The following MAP6 variants were observed in gnomAD, a reference collection of about 807,000 sequenced individuals.
MAP6 encodes the protein microtubule-associated protein 6.
MAP6 carries 26 observed loss-of-function variants against 42.4 expected under a neutral mutation model. The ratio of observed to expected loss-of-function variants is 0.61; its 90% confidence interval spans 0.45 to 0.85. The LOEUF (loss-of-function observed/expected upper bound fraction) is 0.85. Ranked by LOEUF, MAP6 falls within the 40% of genes least tolerant of loss-of-function variation. MAP6 has a pLI of 0.00. For missense variants in MAP6, 966 were observed against 1,099.0 expected (o/e 0.88, Z 1.71); for synonymous variants, 418 against 443.8 (o/e 0.94, Z 0.73).
chr11:75,647,357 A>AC (rs924870223), intron 1 of MAP6, among the ~76,000 whole-genome samples: 1 of 150,568 alleles, frequency 6.6e-6, no homozygotes, highest in Non-Finnish European at 1.5e-5. Flanking sequence ...CAAAAAAAAA[A>AC]AAAAAAAAAA....
At chr11:75,648,098 C>T (rs1943591945) in intron 1 of MAP6, among the ~76,000 whole-genome samples, 1 of 152,172 alleles carries the variant, frequency 6.6e-6, no homozygotes, top group East Asian at 1.9e-4. Context: ...TACTTGACTT[C>T]CCACATACAA....
chr11:75,617,524 A>G (rs1943018902), intron 1 of MAP6, among the ~76,000 whole-genome samples: 1 of 149,712 alleles, frequency 6.7e-6, no homozygotes, highest in Non-Finnish European at 1.5e-5. Flanking sequence ...CAAAAAAAAA[A>G]AAAAAAAAAA....
intron 1 of MAP6, among the ~76,000 whole-genome samples, chr11:75,626,013 C>T (rs1943187260): frequency 6.6e-6 from 1 of 152,184 alleles, no homozygotes; most frequent in Non-Finnish European, 1.5e-5. Context: ...CTAGAATGCT[C>T]TCCCAGGCCC....
chr11:75,599,531 T>A lies in MAP6; in HGVS notation c.1316+6277A>T, dbSNP rs1425596215. Among the ~76,000 whole-genome samples, 6 of 152,104 alleles carry A rather than the reference T, an allele frequency of 3.9e-5. No individual in the cohort carries two copies. In the South Asian group the frequency reaches 1.2e-3, roughly 32 times the overall value. ...ACTGTGTATTGGCTGTGATAATTGG[T>A]CAGTATAGCCAGGACGTCTGAGCCA... On this transcript the variant is annotated intron_variant, in intron 3 of 3. Transcript: ENST00000304771.
intron 1 of MAP6, among the ~76,000 whole-genome samples, chr11:75,618,881 C>T (rs1025892918): frequency 6.6e-6 from 1 of 152,216 alleles, no homozygotes; most frequent in Non-Finnish European, 1.5e-5. Context: ...ACAGCATATC[C>T]CTGGGACCCC....
intron 1 of MAP6, among the ~76,000 whole-genome samples, chr11:75,661,587 C>A (rs1943846673): frequency 6.6e-6 from 1 of 152,022 alleles, no homozygotes; most frequent in African/African-American, 2.4e-5. Flanking sequence ...ATCATCTCAG[C>A]TGATGCTGAG....
chr11:75,598,062 G>T (rs1326777003), intron 3 of MAP6, among the ~76,000 whole-genome samples: 5 of 152,202 alleles, frequency 3.3e-5, no homozygotes. Flanking sequence ...GGTATCCCTT[G>T]CTTTCAGAGC....
chr11:75,594,851 G>T (rs1298351430), intron 3 of MAP6, among the ~76,000 whole-genome samples: 1 of 152,194 alleles, frequency 6.6e-6, no homozygotes, highest in East Asian at 1.9e-4. Context: ...GCAGGAGACA[G>T]ACCTGTAAAC....
chr11:75,605,969 T>C lies in MAP6; in HGVS notation c.1155A>G (p.Lys385=). The part of the protein sequence containing the change: ...EKPSVQSSKP[K]KTSASHKPTR... ...TGGGCTTATGGCTCGCTGAGGTCTT[T>C]TTTGGTTTGGAACTCTGAACACTAG... is the stretch of plus-strand genomic sequence containing the variant. The change falls in exon 3 of 4, where the codon AAA becomes AAG. Residue 385 remains lysine, a synonymous_variant. Transcript: ENST00000304771. 6.2e-7 allele frequency: 1 copy of C among 1,614,064 alleles called. No homozygotes were observed. Among genetic ancestry groups the C allele is most frequent in the Non-Finnish European group, 8.5e-7 (1 of 1,180,022 alleles).
In MAP6 at chr11:75,668,797, CG is replaced by C. The variant is rs1164815212; in HGVS notation, c.-429del. The stretch of plus-strand genomic sequence containing the variant: ...CGGTGTGGCCGCAGGGTCCGCGGAC[CG>C]GGCTCGAGTCTCCTTCCTGCCGGCG... On this transcript the variant is annotated 5_prime_UTR_variant, in exon 1 of 4. Transcript: ENST00000304771. 6.3e-6 allele frequency: 1 copy of C among 157,942 alleles called. No homozygotes were observed. 9.8% of individuals were successfully genotyped at this position (157,942 alleles called of 1,614,324 possible).
chr11:75,622,856 C>T (rs1220589617), intron 1 of MAP6, among the ~76,000 whole-genome samples: 1 of 152,172 alleles, frequency 6.6e-6, no homozygotes, highest in Non-Finnish European at 1.5e-5. Flanking sequence ...CTGGCTCACA[C>T]TGGCTTACAG....
At chr11:75,604,675 TG>T (rs1319856054) in intron 3 of MAP6, 1 of 985,268 alleles carries the variant, frequency 1.0e-6, no homozygotes, top group Admixed American at 6.2e-5. Context: ...TTGCCACCCT[TG>T]GGGGCTTTGG....
intron 2 of MAP6, 105 bp downstream of exon 2, chr11:75,608,002 GCC>G: frequency 9.9e-7 from 1 of 1,012,572 alleles, no homozygotes; most frequent in Non-Finnish European, 1.5e-6. Flanking sequence ...TTTTAAAGGT[GCC>G]CGTGGAGGCT....
At chr11:75,637,029 C>A (rs1373147938) in intron 1 of MAP6, among the ~76,000 whole-genome samples, 1 of 152,194 alleles carries the variant, frequency 6.6e-6, no homozygotes, top group African/African-American at 2.4e-5. Flanking sequence ...TGGAAGCAAC[C>A]TGAGGACAAA....
At chr11:75,613,178 G>A (rs1227594174) in intron 1 of MAP6, among the ~76,000 whole-genome samples, 1 of 152,074 alleles carries the variant, frequency 6.6e-6, no homozygotes, top group East Asian at 1.9e-4. Context: ...GACATTCAGT[G>A]GGCAGTTAAC....
intron 1 of MAP6, among the ~76,000 whole-genome samples, chr11:75,614,907 T>A (rs1473241641): frequency 6.6e-6 from 1 of 152,228 alleles, no homozygotes; most frequent in Non-Finnish European, 1.5e-5. Flanking sequence ...CCAGCAGAGC[T>A]GCAGCATGAC....
chr11:75,594,820 G>A (rs544698), intron 3 of MAP6, among the ~76,000 whole-genome samples: 23,491 of 152,140 alleles, frequency 0.15, 1,956 homozygotes, highest in Admixed American at 0.2. Context: ...CTGACTTGGG[G>A]GAAGGAGCTC....
At chr11:75,612,974 C>T (rs996098795) in intron 1 of MAP6, among the ~76,000 whole-genome samples, 1 of 152,110 alleles carries the variant, frequency 6.6e-6, no homozygotes, top group African/African-American at 2.4e-5. Flanking sequence ...TAAGATAAGA[C>T]AAAATTTATG....
At chr11:75,660,917 T>A (rs1257427716) in intron 1 of MAP6, among the ~76,000 whole-genome samples, 1 of 151,634 alleles carries the variant, frequency 6.6e-6, no homozygotes, top group Non-Finnish European at 1.5e-5. Context: ...AAATAAAAAA[T>A]TTATTCTTTG....
Sources: gnomAD v4.1 joint callset for allele counts (sites outside exome capture counted in the v4.1 genomes callset) on GRCh38, gnomAD v4.1.1 for gene constraint, MANE v1.5 for transcripts, NCBI Gene and HGNC (gene_info 2026-07-23, HGNC 2026-07-21) for gene names.